The following ARMC8 variants were observed in gnomAD, a reference collection of about 807,000 sequenced individuals.
ARMC8 encodes the protein armadillo repeat-containing protein 8.
Under a neutral mutation model 99.3 loss-of-function variants are expected in ARMC8, and 20 were observed. The ratio of observed to expected loss-of-function variants is 0.20; its 90% CI spans 0.14 to 0.29. The LOEUF (loss-of-function observed/expected upper bound fraction) is 0.29. ARMC8 is among the 10% of genes least tolerant of loss of function. The pLI is 1.00. For missense variants in ARMC8, 569 were observed against 809.5 expected (o/e 0.70, Z 3.60); for synonymous variants, 263 against 278.3 (o/e 0.95, Z 0.55).
chr3:138,227,865 CA>C (rs1455839896), intron 5 of ARMC8, among the ~76,000 whole-genome samples: 2 of 152,208 alleles, frequency 1.3e-5, no homozygotes, highest in Non-Finnish European at 2.9e-5. Context: ...TCTTGAGAAG[CA>C]TAACTTTTGT....
At chr3:138,227,811 C>G (rs531740215) in intron 5 of ARMC8, among the ~76,000 whole-genome samples, 31 of 152,336 alleles carry the variant, frequency 2.0e-4, no homozygotes, top group African/African-American at 7.5e-4. Flanking sequence ...GTATCAGAGT[C>G]TGTACATTAA....
chr3:138,187,669 A>C, intron 1 of ARMC8, 70 bp downstream of exon 1: 1 of 1,489,812 alleles, frequency 6.7e-7, no homozygotes, highest in Non-Finnish European at 9.0e-7. Context: ...CATTCCCCCA[A>C]GCGTGGTGTG....
intron 2 of ARMC8, among the ~76,000 whole-genome samples, chr3:138,217,401 C>CTTTTTTT (rs753393123): frequency 1.2e-4 from 16 of 135,904 alleles, no homozygotes; most frequent in South Asian, 2.3e-4. Context: ...GGTCTAGATC[C>CTTTTTTT]TTTTTTTTTT....
intron 12 of ARMC8, chr3:138,245,826 T>C (rs568029426): frequency 1.0e-6 from 1 of 985,830 alleles, no homozygotes; most frequent in East Asian, 1.1e-4. Flanking sequence ...AGGAGTATAG[T>C]GGTAAGTAAG....
intron 12 of ARMC8, among the ~76,000 whole-genome samples, chr3:138,254,729 T>C (rs2047297574): frequency 6.6e-6 from 1 of 152,180 alleles, no homozygotes; most frequent in South Asian, 2.1e-4. Context: ...ACCTTTGGTT[T>C]TGGGGAAAGG....
intron 1 of ARMC8, among the ~76,000 whole-genome samples, chr3:138,209,455 T>C (rs2044573386): frequency 6.6e-6 from 1 of 152,228 alleles, no homozygotes; most frequent in Non-Finnish European, 1.5e-5. Context: ...TTCTTCTGAA[T>C]GAACAAAGTG....
intron 11 of ARMC8, 35 bp downstream of exon 11, chr3:138,242,018 G>A (rs1468922854): frequency 6.3e-7 from 1 of 1,582,116 alleles, no homozygotes; most frequent in African/African-American, 1.3e-5. Context: ...GCTCAAGGGA[G>A]ATTTTTCTAA....
At chr3:138,277,481 A>G (rs1364839374) in intron 18 of ARMC8, among the ~76,000 whole-genome samples, 1 of 152,248 alleles carries the variant, frequency 6.6e-6, no homozygotes, top group South Asian at 2.1e-4. Flanking sequence ...ACCGGAAGGA[A>G]TATTTGTGGA....
In ARMC8 at chr3:138,283,711, A is replaced by T. The variant is rs552000048; in HGVS notation, c.1726-720A>T. 2.0e-5 allele frequency among the ~76,000 whole-genome samples: 3 copies of T among 152,334 alleles called. No homozygotes were observed. The East Asian group carries it at 5.8e-4, about 29-fold the overall frequency. Reference sequence around the variant, plus strand: ...TCTGGCTTTGAGAATGGAACAGCTGACAAGAACAGTTTTTCCTTTGAGAAG... The same window carrying T: ...TCTGGCTTTGAGAATGGAACAGCTGTCAAGAACAGTTTTTCCTTTGAGAAG... On this transcript the variant is annotated intron_variant, in intron 18 of 21. Coordinates refer to ENST00000469044, the MANE Select transcript of ARMC8 (RefSeq NM_001363941.2).
chr3:138,207,312 A>G (rs1239967912), intron 1 of ARMC8, among the ~76,000 whole-genome samples: 1 of 152,240 alleles, frequency 6.6e-6, no homozygotes. Context: ...TCATGTAAAC[A>G]TAGTAACAAG....
At chr3:138,216,929 A>G (rs1183760329) in intron 2 of ARMC8, among the ~76,000 whole-genome samples, 1 of 152,240 alleles carries the variant, frequency 6.6e-6, no homozygotes, top group Non-Finnish European at 1.5e-5. Flanking sequence ...AAAGACAGTT[A>G]AAGTCAGTGA....
chr3:138,201,005 T>C (rs566852609), intron 1 of ARMC8, among the ~76,000 whole-genome samples: 4 of 146,288 alleles, frequency 2.7e-5, no homozygotes, highest in Non-Finnish European at 4.5e-5. Context: ...CTCTGCTTCC[T>C]GGGTTCAAAC....
At position 138,200,067 on chromosome 3, in the gene ARMC8, G is replaced by T. The variant is rs138722194; in HGVS notation, c.46-9750G>T. 4.9e-3 allele frequency among the ~76,000 whole-genome samples: 744 copies of T among 152,204 alleles called. 6 individuals carry two copies. The highest frequency in any genetic ancestry group is 7.8e-3 in the Non-Finnish European group (528 of 68,012). ...ACACTCTGCTTATAATAGATATTTTGTGGCACTTTTTTGGCTATCTTGAAG... is the reference window on the plus strand; with the variant it reads ...ACACTCTGCTTATAATAGATATTTTTTGGCACTTTTTTGGCTATCTTGAAG... On this transcript the variant is annotated intron_variant, in intron 1 of 21. Coordinates refer to ENST00000469044, the MANE Select transcript of ARMC8 (RefSeq NM_001363941.2).
chr3:138,280,855 T>G (rs922540283), intron 18 of ARMC8, among the ~76,000 whole-genome samples: 1 of 151,948 alleles, frequency 6.6e-6, no homozygotes, highest in Non-Finnish European at 1.5e-5. Context: ...CTCAAACTCT[T>G]GACCTCAAGG....
intron 12 of ARMC8, among the ~76,000 whole-genome samples, chr3:138,257,489 A>G (rs2047465883): frequency 6.6e-6 from 1 of 151,812 alleles, no homozygotes; most frequent in South Asian, 2.1e-4. Flanking sequence ...CTCTCCCCTG[A>G]CTCTTGCTGG....
In ARMC8 at chr3:138,237,506, C is replaced by T. The variant is rs374327467; in HGVS notation, c.710C>T (p.Pro237Leu). The change falls in exon 9 of 22, where the codon CCA becomes CTA. Residue 237 changes from proline (P) to leucine (L), a missense_variant. Transcript: ENST00000469044. ...VNVLVDGELL[P>L]QIFVKMLQRD... is the part of the protein sequence containing the mutation. Reference sequence around the variant, plus strand: ...GTTTTGGTTGATGGAGAATTGTTACCACAGATTTTTGTGAAGATGTTACAG... The same window carrying T: ...GTTTTGGTTGATGGAGAATTGTTACTACAGATTTTTGTGAAGATGTTACAG... 7 of 1,613,592 alleles carry T rather than the reference C, an allele frequency of 4.3e-6. No homozygotes were observed. Among genetic ancestry groups the T allele is most frequent in the Non-Finnish European group, 5.1e-6 (6 of 1,179,900 alleles).
At position 138,239,459 on chromosome 3, in the gene ARMC8, T is replaced by C. The variant is rs542059414; in HGVS notation, c.777-9T>C. 1.9e-5 allele frequency: 30 copies of C among 1,592,692 alleles called. No individual in the cohort carries two copies. The highest frequency in any genetic ancestry group is 1.0e-4 in the South Asian group (9 of 86,184). Reference sequence around the variant, plus strand: ...AAGCAAAAACTTATTTTCTGCTGTCTTATTCCAGTTTAACTTACATGTGTA... The same window carrying C: ...AAGCAAAAACTTATTTTCTGCTGTCCTATTCCAGTTTAACTTACATGTGTA... On this transcript the variant is annotated splice_polypyrimidine_tract_variant and intron_variant, in intron 9 of 21. Coordinates refer to ENST00000469044, the MANE Select transcript of ARMC8 (RefSeq NM_001363941.2).
intron 1 of ARMC8, among the ~76,000 whole-genome samples, chr3:138,201,706 G>A (rs577181413): frequency 1.3e-5 from 2 of 151,590 alleles, no homozygotes; most frequent in South Asian, 2.1e-4. Context: ...CTCTCTGCCC[G>A]CCTCGGTCTC....
chr3:138,232,958 T>A (rs1257832138), intron 6 of ARMC8, among the ~76,000 whole-genome samples: 1 of 152,178 alleles, frequency 6.6e-6, no homozygotes, highest in Non-Finnish European at 1.5e-5. Flanking sequence ...ATAAGGAACT[T>A]AAAAAGCCTT....
Sources: allele counts gnomAD v4.1 joint callset (sites outside exome capture counted in the v4.1 genomes callset), GRCh38; gene constraint gnomAD v4.1.1; transcripts MANE v1.5; gene names NCBI Gene and HGNC (gene_info 2026-07-23, HGNC 2026-07-21).